EML1: variants seen among roughly 807,000 people sequenced by gnomAD.
EML1 encodes EMAP like 1, also known as echinoderm microtubule-associated protein-like 1.
Under a neutral mutation model 110.4 loss-of-function variants are expected in EML1, and 27 were observed. That is an observed-to-expected ratio of 0.24 (90% confidence interval 0.18 to 0.34). The LOEUF is 0.34. EML1 is among the 10% of genes least tolerant of loss of function. EML1 has a pLI of 1.00. For synonymous variants in EML1, 344 were observed against 385.8 expected (o/e 0.89, Z 1.27); for missense variants, 741 against 1,030.9 (o/e 0.72, Z 3.85).
intron 1 of EML1, among the ~76,000 whole-genome samples, chr14:99,813,064 T>A (rs1396976412): frequency 6.6e-6 from 1 of 152,178 alleles, no homozygotes; most frequent in African/African-American, 2.4e-5. Flanking sequence ...GTACTCTGTT[T>A]GGCCCAGGAA....
chr14:99,906,229 A>G (rs1011236414), intron 9 of EML1, among the ~76,000 whole-genome samples: 16 of 152,204 alleles, frequency 1.1e-4, no homozygotes, highest in African/African-American at 3.9e-4. Context: ...TCCAGACCCC[A>G]AAAGAGGGTT....
chr14:99,882,105 A>C (rs1350364406), intron 4 of EML1, among the ~76,000 whole-genome samples: 1 of 152,234 alleles, frequency 6.6e-6, no homozygotes, highest in East Asian at 1.9e-4. Context: ...AAACAAAAGC[A>C]ATATATGGTA....
chr14:99,765,127 G>C (rs773202898), intron 1 of EML1, among the ~76,000 whole-genome samples: 32 of 152,020 alleles, frequency 2.1e-4, no homozygotes, highest in Non-Finnish European at 4.1e-4. Flanking sequence ...AATTTGTAGA[G>C]GTGGGGTCTT....
chr14:99,770,404 T>TATCTATCTATCTATC, upstream of EML1, among the ~76,000 whole-genome samples: 1 of 152,226 alleles, frequency 6.6e-6, no homozygotes, highest in Admixed American at 6.5e-5. Flanking sequence ...TCTATCTATC[T>TATCTATCTATCTATC]ATCTTTTTTA....
intron 1 of EML1, among the ~76,000 whole-genome samples, chr14:99,815,237 G>A (rs905375398): frequency 1.3e-5 from 2 of 150,804 alleles, no homozygotes; most frequent in Non-Finnish European, 2.9e-5. Flanking sequence ...CACCTCCCGG[G>A]TTCACACTTT....
intron 1 of EML1, among the ~76,000 whole-genome samples, chr14:99,755,097 A>C (rs2140178881): frequency 6.6e-6 from 1 of 152,384 alleles, no homozygotes; most frequent in African/African-American, 2.4e-5. Context: ...TCAGAAGAAA[A>C]GTCAGGCGTT....
At chr14:99,895,888 A>G (rs1349618052) in intron 6 of EML1, among the ~76,000 whole-genome samples, 1 of 152,132 alleles carries the variant, frequency 6.6e-6, no homozygotes, top group Non-Finnish European at 1.5e-5. Flanking sequence ...TGTCTCAAAA[A>G]TACATATATT....
At chr14:99,921,933 ACTGAT>A (rs1595485485) in intron 17 of EML1, among the ~76,000 whole-genome samples, 1 of 152,274 alleles carries the variant, frequency 6.6e-6, no homozygotes, top group East Asian at 1.9e-4. Context: ...CGAGGAAACT[ACTGAT>A]CTGTTTTCTG....
rs371403581 is a variant in EML1 at position 99,892,834 on chromosome 14, G to A, written c.547+1607G>A. Among the ~76,000 whole-genome samples the A allele has an allele frequency of 7.4e-4, 113 of 152,268 alleles. 2 individuals carry two copies. The South Asian group carries it at 0.023, about 31-fold the overall frequency. The stretch of plus-strand genomic sequence containing the variant: ...TGTGTTGTGGAAATAGCATTATATT[G>A]TCTTTATTCCTAACCTACATTCTGC... On this transcript the variant is annotated intron_variant, in intron 5 of 21. Transcript: ENST00000262233.
intron 19 of EML1, among the ~76,000 whole-genome samples, chr14:99,937,256 C>T (rs1340932130): frequency 6.6e-6 from 1 of 152,188 alleles, no homozygotes; most frequent in Non-Finnish European, 1.5e-5. Context: ...CCTCCCTGTC[C>T]AGCTCCTGCC....
intron 1 of EML1, among the ~76,000 whole-genome samples, chr14:99,826,159 C>T (rs181215436): frequency 8.4e-5 from 11 of 131,284 alleles, no homozygotes; most frequent in Admixed American, 1.8e-4. Context: ...GTCACCCAGG[C>T]TGGAGTGCAG....
At chr14:99,894,011 C>G (rs2059632174) in intron 5 of EML1, among the ~76,000 whole-genome samples, 1 of 152,138 alleles carries the variant, frequency 6.6e-6, no homozygotes, top group Admixed American at 6.6e-5. Flanking sequence ...AGTTTTGCAT[C>G]CTGATTTCTC....
At chr14:99,908,254 C>T (rs1043996924) in intron 10 of EML1, among the ~76,000 whole-genome samples, 3 of 152,254 alleles carry the variant, frequency 2.0e-5, no homozygotes, top group Admixed American at 6.5e-5. Flanking sequence ...ATTCCTCCTG[C>T]GAGGGGCCCC....
chr14:99,934,036 A>C (rs955910838), intron 17 of EML1, among the ~76,000 whole-genome samples: 2 of 152,250 alleles, frequency 1.3e-5, no homozygotes, highest in African/African-American at 4.8e-5. Context: ...TGGAGGTTGC[A>C]GTGAGCTGAG....
intron 3 of EML1, among the ~76,000 whole-genome samples, chr14:99,873,013 T>C (rs991842675): frequency 6.6e-6 from 1 of 152,196 alleles, no homozygotes; most frequent in Non-Finnish European, 1.5e-5. Flanking sequence ...AGGGCTTGAT[T>C]TGGAATCCTT....
At chr14:99,868,346 T>A (rs1171974803) in intron 3 of EML1, among the ~76,000 whole-genome samples, 1 of 152,210 alleles carries the variant, frequency 6.6e-6, no homozygotes, top group Non-Finnish European at 1.5e-5. Context: ...TTGGAAGTGT[T>A]CCCTCCTCCT....
At chr14:99,867,376 G>A (rs73358463) in intron 3 of EML1, among the ~76,000 whole-genome samples, 3,954 of 152,114 alleles carry the variant, frequency 0.026, 170 homozygotes, top group African/African-American at 0.091. Flanking sequence ...AATGCCTTTG[G>A]GATTTTGATA....
chr14:99,898,991 A>G (rs1336451478), intron 8 of EML1, among the ~76,000 whole-genome samples: 1 of 152,208 alleles, frequency 6.6e-6, no homozygotes, highest in East Asian at 1.9e-4. Flanking sequence ...TGTCCTGTGA[A>G]TGTCGTTTAA....
chr14:99,756,176 GAGA>G (rs1230036373), intron 1 of EML1, among the ~76,000 whole-genome samples: 1 of 152,232 alleles, frequency 6.6e-6, no homozygotes, highest in Non-Finnish European at 1.5e-5. Flanking sequence ...CTGGGCCCCA[GAGA>G]AGGACCCCAG....
Sources: gnomAD v4.1 joint callset for allele counts (sites outside exome capture counted in the v4.1 genomes callset) on GRCh38, gnomAD v4.1.1 for gene constraint, MANE v1.5 for transcripts, NCBI Gene and HGNC (gene_info 2026-07-23, HGNC 2026-07-21) for gene names.